SLCO2A1: variants seen among roughly 807,000 people sequenced by gnomAD.
The protein encoded by SLCO2A1 is solute carrier organic anion transporter family member 2A1.
In SLCO2A1, 60 loss-of-function variants were observed where a neutral mutation model predicts 71.7. That is an observed-to-expected ratio of 0.84 (90% CI 0.68 to 1.04). The LOEUF (loss-of-function observed/expected upper bound fraction) is 1.04. Among genes scored for constraint, SLCO2A1 ranks in the 50% least tolerant of loss-of-function variants. SLCO2A1 has a pLI of 0.00. For missense variants in SLCO2A1, 745 were observed against 813.4 expected (o/e 0.92, Z 1.02); for synonymous variants, 308 against 326.7 (o/e 0.94, Z 0.62).
In SLCO2A1 at chr3:133,945,237, T is replaced by G; in HGVS notation, c.1319A>C (p.Gln440Pro). 6.2e-7 allele frequency: 1 copy of G among 1,611,284 alleles called. No individual in the cohort carries two copies. The highest frequency in any genetic ancestry group is 8.5e-7 in the Non-Finnish European group (1 of 1,179,126). ...GCAGTCCCTGCGGCAGGCAGGAGAC[T>G]GCGGATGTATAGAACTTGATGTGCT... Reference protein sequence around the residue: ...PPSTSSSIHPQSPACRRDCSC... With the variant: ...PPSTSSSIHPPSPACRRDCSC... Residue 440 changes from glutamine (Q) to proline (P), a missense_variant, in exon 10 of 14, where the codon CAG (glutamine) becomes CCG (proline). Transcript: ENST00000310926.
At chr3:133,974,066 C>T (rs544556987) in intron 2 of SLCO2A1, among the ~76,000 whole-genome samples, 3 of 152,336 alleles carry the variant, frequency 2.0e-5, no homozygotes, top group South Asian at 2.1e-4. Flanking sequence ...ATCTCCTAGA[C>T]CAGACCAAAG....
chr3:133,954,046 G>C (rs1933820773), intron 4 of SLCO2A1, among the ~76,000 whole-genome samples: 1 of 152,070 alleles, frequency 6.6e-6, no homozygotes, highest in South Asian at 2.1e-4. Context: ...GCTCCCTGTG[G>C]GTACGATGCT....
intron 3 of SLCO2A1, among the ~76,000 whole-genome samples, chr3:133,955,740 T>C (rs1228494125): frequency 6.6e-6 from 1 of 152,174 alleles, no homozygotes; most frequent in Non-Finnish European, 1.5e-5. Context: ...CCCAGGGCCT[T>C]TGCTTCTTAG....
chr3:134,024,761 A>G (rs918405942), intron 1 of SLCO2A1, among the ~76,000 whole-genome samples: 1 of 152,218 alleles, frequency 6.6e-6, no homozygotes, highest in Non-Finnish European at 1.5e-5. Context: ...GGTAACTTTA[A>G]TGACTACCAA....
chr3:134,004,493 C>G (rs556902481), intron 1 of SLCO2A1, among the ~76,000 whole-genome samples: 5 of 152,166 alleles, frequency 3.3e-5, no homozygotes, highest in African/African-American at 4.8e-5. Context: ...CCCCACCATG[C>G]CTGGCTAATT....
At chr3:133,950,285 C>T (rs926728626) in intron 6 of SLCO2A1, among the ~76,000 whole-genome samples, 3 of 152,198 alleles carry the variant, frequency 2.0e-5, no homozygotes, top group African/African-American at 7.2e-5. Context: ...CCCCTCTCCC[C>T]CCGGCTGGGC....
intron 1 of SLCO2A1, among the ~76,000 whole-genome samples, chr3:134,029,498 A>ACACACACACGCT (rs1935775845): frequency 6.7e-6 from 1 of 148,366 alleles, no homozygotes; most frequent in Admixed American, 6.6e-5. Context: ...ACTCGCACGC[A>ACACACACACGCT]CACACACACG....
chr3:133,945,274 A>G lies in SLCO2A1; in HGVS notation c.1296-14T>C. The G allele has an allele frequency of 6.3e-7, 1 of 1,595,048 alleles. No individual in the cohort carries two copies. Among genetic ancestry groups the G allele is most frequent in the South Asian group, 1.1e-5 (1 of 87,358 alleles). Reference sequence around the variant, plus strand: ...GAACTTGATGTGCTGCCAGCAAAAGAGGAAACGGGGAATCAAACAAAGCAA... The same window carrying G: ...GAACTTGATGTGCTGCCAGCAAAAGGGGAAACGGGGAATCAAACAAAGCAA... On this transcript the variant is annotated splice_polypyrimidine_tract_variant and intron_variant, in intron 9 of 13. Coordinates refer to ENST00000310926, the MANE Select transcript of SLCO2A1 (RefSeq NM_005630.3).
rs1033195776 is a variant in SLCO2A1, at chr3:133,942,742, G to A, written c.1488C>T (p.Thr496=). 16 of 1,608,952 alleles carry A rather than the reference G, an allele frequency of 9.9e-6. No individual in the cohort carries two copies. Among genetic ancestry groups the A allele is most frequent in the African/African-American group, 1.3e-5 (1 of 74,720 alleles). ...CTGTCTTTGCTGAAGCGGATCCCCC[G>A]GTCACACAGCTGCAGTTCAAATAGA... ...QLIYLNCSCV[T]GGSASAKTGS... The change falls in exon 11 of 14, where the codon ACC becomes ACT. Residue 496 remains threonine (T), a synonymous_variant. Transcript: ENST00000310926.
rs1194396620 is a variant in SLCO2A1, at chr3:133,935,679, C to G, written c.1814+95G>C. The G allele has an allele frequency of 5.1e-6, 7 of 1,371,058 alleles. No homozygotes were observed. The African/African-American group carries it at 7.2e-5, about 14-fold the overall frequency. 84.9% of individuals were successfully genotyped at this position (1,371,058 alleles called of 1,614,324 possible). ...CCCTTCATGTTCTCTTCCTTGGAAG[C>G]CTGACAGCCCCCACAGTAGCCACTG... is the stretch of plus-strand genomic sequence containing the variant. On this transcript the variant is annotated intron_variant, in intron 13 of 13. Coordinates refer to ENST00000310926, the MANE Select transcript of SLCO2A1 (RefSeq NM_005630.3).
rs563833471 is a variant in SLCO2A1, at chr3:133,947,465, G to A, written c.1106-20C>T. The A allele has an allele frequency of 7.5e-6, 12 of 1,596,902 alleles. No homozygotes were observed. The highest frequency in any genetic ancestry group is 1.0e-5 in the Non-Finnish European group (12 of 1,170,784). Reference sequence around the variant, plus strand: ...CAGCACCTATAAGTGGAAAGAAGGAGGTGATCCAGGTGCACAGGCCTGGGA... The same window carrying A: ...CAGCACCTATAAGTGGAAAGAAGGAAGTGATCCAGGTGCACAGGCCTGGGA... On this transcript the variant is annotated intron_variant, in intron 8 of 13. Transcript: ENST00000310926.
intron 4 of SLCO2A1, among the ~76,000 whole-genome samples, chr3:133,954,739 G>A (rs1933838666): frequency 6.6e-6 from 1 of 152,300 alleles, no homozygotes. Flanking sequence ...CCTCCTGGAG[G>A]TGAGAAACCT....
chr3:134,026,363 GGCATAGA>G (rs1935701432), intron 1 of SLCO2A1, among the ~76,000 whole-genome samples: 1 of 151,176 alleles, frequency 6.6e-6, no homozygotes, highest in Non-Finnish European at 1.5e-5. Flanking sequence ...TAGATACGTA[GGCATAGA>G]GCTTACGCCA....
chr3:133,966,410 G>A (rs9917636), intron 3 of SLCO2A1, among the ~76,000 whole-genome samples: 76,790 of 151,898 alleles, frequency 0.51, 19,480 homozygotes, highest in South Asian at 0.57. Context: ...AGACAGACAA[G>A]AGCAGGTGTC....
At chr3:134,000,764 T>C (rs1427039815) in intron 1 of SLCO2A1, among the ~76,000 whole-genome samples, 1 of 152,338 alleles carries the variant, frequency 6.6e-6, no homozygotes, top group East Asian at 1.9e-4. Flanking sequence ...TAAACTCCCC[T>C]TGGGCTTTAC....
At chr3:134,019,769 A>C (rs1393064541) in intron 1 of SLCO2A1, among the ~76,000 whole-genome samples, 5 of 152,126 alleles carry the variant, frequency 3.3e-5, no homozygotes, top group Admixed American at 3.3e-4. Context: ...ACTATATGGT[A>C]TGTGGGTTTT....
Position 133,947,476 on chromosome 3 carries a change from T to G in SLCO2A1, c.1106-31A>C, listed in dbSNP as rs772537234. 4.4e-6 allele frequency: 7 copies of G among 1,578,932 alleles called. No homozygotes were observed. The Admixed American group carries it at 1.2e-4, about 28-fold the overall frequency. The stretch of plus-strand genomic sequence containing the variant: ...AGTGGAAAGAAGGAGGTGATCCAGG[T>G]GCACAGGCCTGGGACTGCATGTGGG... On this transcript the variant is annotated intron_variant, in intron 8 of 13. Transcript: ENST00000310926.
intron 2 of SLCO2A1, among the ~76,000 whole-genome samples, chr3:133,979,096 T>C (rs762100922): frequency 6.6e-6 from 1 of 152,150 alleles, no homozygotes; most frequent in Non-Finnish European, 1.5e-5. Flanking sequence ...GGCTGGCAGA[T>C]TGCACAGAAC....
intron 1 of SLCO2A1, among the ~76,000 whole-genome samples, chr3:134,023,740 A>G (rs1229371786): frequency 6.6e-6 from 1 of 152,248 alleles, no homozygotes; most frequent in Non-Finnish European, 1.5e-5. Context: ...GTTAAAATGG[A>G]TCAAATATTC....
Sources: allele counts gnomAD v4.1 joint callset (sites outside exome capture counted in the v4.1 genomes callset), GRCh38; gene constraint gnomAD v4.1.1; transcripts MANE v1.5; gene names NCBI Gene and HGNC (gene_info 2026-07-23, HGNC 2026-07-21).